Variants in SLMAP observed in about 807,000 individuals in gnomAD.
SLMAP encodes the protein sarcolemma associated protein.
Under a neutral mutation model 128.8 loss-of-function variants are expected in SLMAP, and 44 were observed. The observed-to-expected ratio is 0.34, with a 90% confidence interval of 0.27 to 0.44. SLMAP has a LOEUF of 0.44. SLMAP is among the 20% of genes least tolerant of loss of function. SLMAP has a pLI of 1.00. For missense variants in SLMAP, 787 were observed against 985.3 expected, an observed-to-expected ratio of 0.80 and a Z score of 2.69; for synonymous variants, 327 against 348.8, an observed-to-expected ratio of 0.94 and a Z score of 0.70.
chr3:57,884,159 G>A (rs968468586), intron 14 of SLMAP, among the ~76,000 whole-genome samples: 1 of 152,024 alleles, frequency 6.6e-6, no homozygotes, highest in African/African-American at 2.4e-5. Context: ...GAGCTCCTGG[G>A]CTCAAGCGAT....
chr3:57,867,719 C>G (rs2095345722), intron 13 of SLMAP, among the ~76,000 whole-genome samples: 1 of 152,028 alleles, frequency 6.6e-6, no homozygotes, highest in Non-Finnish European at 1.5e-5. Context: ...TGTCCATACC[C>G]ATATTATATA....
rs150122863 is a variant in SLMAP, at chr3:57,767,558, A to G, written c.198+9709A>G. 1.4e-4 allele frequency among the ~76,000 whole-genome samples: 21 copies of G among 152,332 alleles called. No homozygotes were observed. In the East Asian group the frequency reaches 3.3e-3, roughly 24 times the overall value. On this transcript the variant is annotated intron_variant, in intron 2 of 24. Coordinates refer to ENST00000671191, the MANE Select transcript of SLMAP (RefSeq NM_001377540.1). ...CCAAATCTTGTGATTGGTGATATGA[A>G]ATTATATATATGAACTATTACAATT...
At chr3:57,796,954 A>C (rs2086874623) in intron 2 of SLMAP, among the ~76,000 whole-genome samples, 1 of 152,020 alleles carries the variant, frequency 6.6e-6, no homozygotes, top group African/African-American at 2.4e-5. Context: ...CCGAGGTGAG[A>C]GATCACTTGA....
In SLMAP at chr3:57,890,094, T is replaced by C. The variant is rs373548009; in HGVS notation, c.1354T>C (p.Ser452Pro). The C allele has an allele frequency of 1.2e-6, 2 of 1,613,836 alleles. No homozygotes were observed. The highest frequency in any genetic ancestry group is 2.7e-5 in the African/African-American group (2 of 74,920). ...LTKAVEETKL[S>P]KENQTRAKES... ...CAAAGCGGTAGAAGAAACAAAGCTT[T>C]CAAAAGGTTTGTTTTCTGTTTTTCT... Residue 452 changes from serine to proline, a missense_variant, in exon 15 of 25, where the codon TCA (serine) becomes CCA (proline). By Grantham distance (74) the Ser-to-Pro change is moderately conservative (BLOSUM62 -1). This residue lies in a region of SLMAP where 715 missense variants were observed against 843.6 expected (regional missense o/e 0.85). Transcript: ENST00000671191.
At chr3:57,778,012 T>C (rs987460408) in intron 2 of SLMAP, among the ~76,000 whole-genome samples, 2 of 152,236 alleles carry the variant, frequency 1.3e-5, no homozygotes, top group Admixed American at 1.3e-4. Flanking sequence ...TATATATTGC[T>C]GGATTTGATT....
rs370282197 is a variant in SLMAP at position 57,854,520 on chromosome 3, C to T, written c.520-3213C>T. Among the ~76,000 whole-genome samples, 23 of 152,202 alleles carry T rather than the reference C, an allele frequency of 1.5e-4. No individual in the cohort carries two copies. The East Asian group carries it at 4.4e-3, about 29-fold the overall frequency. On this transcript the variant is annotated intron_variant, in intron 6 of 24. Transcript: ENST00000671191. The stretch of plus-strand genomic sequence containing the variant: ...GGCTGAGGCATGAGAATTGCTTGAA[C>T]GCGGGAGGTGGAGGTTGCAGTGAGC...
intron 2 of SLMAP, among the ~76,000 whole-genome samples, chr3:57,820,790 C>T (rs1157577314): frequency 6.6e-5 from 10 of 152,204 alleles, no homozygotes; most frequent in Non-Finnish European, 1.5e-4. Flanking sequence ...CCTCCATATC[C>T]AGGTTTTCTT....
rs1198809303 is a variant in SLMAP at position 57,757,986 on chromosome 3, G to C, written c.198+137G>C. 8.6e-6 allele frequency: 6 copies of C among 700,008 alleles called. No individual in the cohort carries two copies. In the African/African-American group the frequency reaches 1.1e-4, roughly 12 times the overall value. The allele number at this position is 700,008 out of a possible 1,614,324, so 43.4% of individuals were successfully genotyped here. On this transcript the variant is annotated intron_variant, in intron 2 of 24. Coordinates refer to ENST00000671191, the MANE Select transcript of SLMAP (RefSeq NM_001377540.1). ...CTTTGCGCAAAGCCACGAATCAACT[G>C]TTTGTGTGCCTGGTTCTAGTGGAAA...
At chr3:57,908,348 C>G (rs1372698802) in intron 18 of SLMAP, among the ~76,000 whole-genome samples, 4 of 152,206 alleles carry the variant, frequency 2.6e-5, no homozygotes, top group African/African-American at 9.7e-5. Context: ...TGGCCACATT[C>G]TTTTCTAGTA....
At chr3:57,923,352 G>T (rs1204900761) in intron 23 of SLMAP, among the ~76,000 whole-genome samples, 1 of 152,188 alleles carries the variant, frequency 6.6e-6, no homozygotes, top group African/African-American at 2.4e-5. Flanking sequence ...TTTCTCCCCT[G>T]CTGGGAAATG....
chr3:57,879,970 A>G lies in SLMAP; in HGVS notation c.1300+8272A>G, dbSNP rs112676477. Among the ~76,000 whole-genome samples, 483 of 149,708 alleles carry G rather than the reference A, an allele frequency of 3.2e-3. 3 individuals carry two copies. The highest frequency in any genetic ancestry group is 0.011 in the African/African-American group (461 of 40,946). On this transcript the variant is annotated intron_variant, in intron 14 of 24. Transcript: ENST00000671191. ...GTCTCAAAAAAAAAAAAATAAAAATAAAAAGCACACAGAATAGTAGTTACC... is the reference window on the plus strand; with the variant it reads ...GTCTCAAAAAAAAAAAAATAAAAATGAAAAGCACACAGAATAGTAGTTACC...
chr3:57,797,203 A>AG (rs397951319), intron 2 of SLMAP, among the ~76,000 whole-genome samples: 2 of 150,052 alleles, frequency 1.3e-5, no homozygotes, highest in Admixed American at 6.6e-5. Context: ...AAAAAAAAAA[A>AG]GCCAGGTGTG....
chr3:57,921,410 C>G (rs13088950), intron 22 of SLMAP, among the ~76,000 whole-genome samples: 1 of 152,064 alleles, frequency 6.6e-6, no homozygotes, highest in Non-Finnish European at 1.5e-5. Flanking sequence ...GTGGATCACC[C>G]TAGGCCAGGA....
intron 3 of SLMAP, among the ~76,000 whole-genome samples, chr3:57,839,596 C>T (rs1229528002): frequency 6.6e-6 from 1 of 151,598 alleles, no homozygotes; most frequent in Non-Finnish European, 1.5e-5. Flanking sequence ...CACCTGCCAC[C>T]ATACCGGCTA....
chr3:57,819,175 A>G (rs2153526781), intron 2 of SLMAP, among the ~76,000 whole-genome samples: 1 of 152,306 alleles, frequency 6.6e-6, no homozygotes, highest in South Asian at 2.1e-4. Flanking sequence ...ATAATTTTTA[A>G]AGAACTTACC....
intron 14 of SLMAP, among the ~76,000 whole-genome samples, chr3:57,887,085 A>G (rs2095910250): frequency 6.6e-6 from 1 of 152,130 alleles, no homozygotes; most frequent in Non-Finnish European, 1.5e-5. Flanking sequence ...AAGGAAAAAA[A>G]AGAGAAAAAA....
At chr3:57,920,040 G>C (rs2096888249) in intron 22 of SLMAP, among the ~76,000 whole-genome samples, 1 of 152,184 alleles carries the variant, frequency 6.6e-6, no homozygotes, top group Admixed American at 6.6e-5. Context: ...AAGAATGGTG[G>C]AAAAGGAAAG....
At chr3:57,896,397 T>G in intron 15 of SLMAP, 114 bp from the exon 16 acceptor site, 2 of 1,423,292 alleles carry the variant, frequency 1.4e-6, no homozygotes, top group Non-Finnish European at 9.2e-7. Flanking sequence ...ACCTGACCTA[T>G]TTTAAAAGTA....
chr3:57,911,923 TAA>T (rs57106769), intron 19 of SLMAP, among the ~76,000 whole-genome samples: 614 of 52,348 alleles, frequency 0.012, 3 homozygotes, highest in African/African-American at 0.027. Flanking sequence ...GGATTCACCC[TAA>T]AAAAAAAAAA....
Sources: allele counts gnomAD v4.1 joint callset (sites outside exome capture counted in the v4.1 genomes callset), GRCh38; gene constraint gnomAD v4.1.1; regional missense constraint gnomAD v4.1.1; transcripts MANE v1.5; gene names NCBI Gene and HGNC (gene_info 2026-07-23, HGNC 2026-07-21).